The following SPATA6 variants were observed in gnomAD, a reference collection of about 807,000 sequenced individuals.
The protein encoded by SPATA6 is spermatogenesis-associated protein 6.
SPATA6 carries 56 observed loss-of-function variants against 65.3 expected under a neutral mutation model. The observed-to-expected ratio is 0.86, with a 90% CI of 0.69 to 1.07. SPATA6 has a LOEUF of 1.07. Ranked by LOEUF, SPATA6 falls within the 50% of genes least tolerant of loss-of-function variation. SPATA6 has a pLI of 0.00. For missense variants in SPATA6, 590 were observed against 594.8 expected, an observed-to-expected ratio of 0.99 and a Z score of 0.08; for synonymous variants, 199 against 213.2, an observed-to-expected ratio of 0.93 and a Z score of 0.58.
intron 11 of SPATA6, among the ~76,000 whole-genome samples, chr1:48,306,199 T>G (rs113763142): frequency 6.6e-6 from 1 of 152,024 alleles, no homozygotes; most frequent in African/African-American, 2.4e-5. Flanking sequence ...TCTTATACAT[T>G]GTTATATGAA....
intron 3 of SPATA6, among the ~76,000 whole-genome samples, chr1:48,442,733 A>C (rs529539236): frequency 4.7e-5 from 7 of 149,378 alleles, no homozygotes; most frequent in Admixed American, 2.6e-4. Context: ...AAAAAAAAAA[A>C]AAAAAAAAAA....
At chr1:48,304,895 C>A (rs11205469) in intron 12 of SPATA6, among the ~76,000 whole-genome samples, 1 of 151,964 alleles carries the variant, frequency 6.6e-6, no homozygotes, top group Non-Finnish European at 1.5e-5. Context: ...AAATAACAAA[C>A]GGTAAAAAAT....
downstream of SPATA6, among the ~76,000 whole-genome samples, chr1:48,294,752 T>G (rs1039039867): frequency 6.6e-6 from 1 of 152,220 alleles, no homozygotes; most frequent in Non-Finnish European, 1.5e-5. Flanking sequence ...AATGGTCACC[T>G]CTTCTAATGC....
chr1:48,446,643 G>A (rs1557720742), intron 3 of SPATA6, among the ~76,000 whole-genome samples: 1 of 152,116 alleles, frequency 6.6e-6, no homozygotes, highest in Non-Finnish European at 1.5e-5. Flanking sequence ...ATTTGGTTAG[G>A]TGCAATAAAT....
chr1:48,391,055 G>A (rs1329623781), intron 8 of SPATA6, among the ~76,000 whole-genome samples: 1 of 151,998 alleles, frequency 6.6e-6, no homozygotes, highest in Non-Finnish European at 1.5e-5. Context: ...ATCACAAGTA[G>A]TTGAAAAAAT....
At chr1:48,409,685 A>G (rs1212657105) in intron 5 of SPATA6, among the ~76,000 whole-genome samples, 1 of 152,168 alleles carries the variant, frequency 6.6e-6, no homozygotes, top group Non-Finnish European at 1.5e-5. Context: ...CCCAAACCTC[A>G]ATTCTTGATT....
Position 48,298,905 on chromosome 1 carries a change from G to T in SPATA6, c.1287-12C>A, listed in dbSNP as rs756744679. On this transcript the variant is annotated splice_polypyrimidine_tract_variant and intron_variant, in intron 12 of 12. Coordinates refer to ENST00000371847, the MANE Select transcript of SPATA6 (RefSeq NM_019073.4). ...GCTGCTGACATGAGCTATAAAAAGG[G>T]ATATAAAAGGTTCAAAACAATAATG... 6 of 1,605,956 alleles carry T rather than the reference G, an allele frequency of 3.7e-6. No homozygotes were observed. Among genetic ancestry groups the T allele is most frequent in the South Asian group, 3.3e-5 (3 of 89,752 alleles).
intron 3 of SPATA6, among the ~76,000 whole-genome samples, chr1:48,430,039 A>T (rs570675993): frequency 4.8e-4 from 73 of 152,264 alleles, no homozygotes; most frequent in Admixed American, 1.4e-3. Context: ...GAAATCCATG[A>T]AGGAGGAAAG....
intron 3 of SPATA6, among the ~76,000 whole-genome samples, chr1:48,427,316 T>C (rs1653929277): frequency 6.7e-6 from 1 of 149,032 alleles, no homozygotes; most frequent in Admixed American, 6.7e-5. Flanking sequence ...TACAAGAAAA[T>C]GAGAATATTT....
At chr1:48,377,879 G>A (rs182440482) in intron 9 of SPATA6, among the ~76,000 whole-genome samples, 1 of 152,230 alleles carries the variant, frequency 6.6e-6, no homozygotes, top group Non-Finnish European at 1.5e-5. Context: ...GTAAGAGAAT[G>A]TGATTAGTTA....
intron 8 of SPATA6, among the ~76,000 whole-genome samples, chr1:48,392,253 GAA>G (rs1399951220): frequency 1.3e-5 from 2 of 152,052 alleles, no homozygotes; most frequent in African/African-American, 4.8e-5. Context: ...ATCTTCAAAT[GAA>G]GAGAAGAAAA....
At chr1:48,316,068 G>A (rs551802274) in intron 11 of SPATA6, among the ~76,000 whole-genome samples, 1 of 152,222 alleles carries the variant, frequency 6.6e-6, no homozygotes, top group Admixed American at 6.5e-5. Context: ...CCATGCTCAC[G>A]GGTAGGAAGA....
At chr1:48,404,308 T>C (rs1651475148) in intron 5 of SPATA6, among the ~76,000 whole-genome samples, 1 of 152,172 alleles carries the variant, frequency 6.6e-6, no homozygotes. Flanking sequence ...AACGTATACA[T>C]ATATCAAACA....
At chr1:48,326,521 C>CAAAAAA (rs1330859768) in intron 11 of SPATA6, among the ~76,000 whole-genome samples, 1 of 80,084 alleles carries the variant, frequency 1.2e-5, no homozygotes, top group Non-Finnish European at 2.8e-5. Context: ...TCATATGAAA[C>CAAAAAA]AAAAAAAAAA....
chr1:48,451,536 A>C lies in SPATA6; in HGVS notation c.238+16T>G, dbSNP rs769894844. On this transcript the variant is annotated intron_variant, in intron 3 of 12. Coordinates refer to ENST00000371847, the MANE Select transcript of SPATA6 (RefSeq NM_019073.4). ...AAATGTCTTAGAATCAGGAATTAAA[A>C]AGTTAAAAAACTTACATTCAAGCTG... is the stretch of plus-strand genomic sequence containing the variant. 1 of 1,602,304 alleles carries C rather than the reference A, an allele frequency of 6.2e-7. No homozygotes were observed.
rs918869664 is a variant in SPATA6 at position 48,384,662 on chromosome 1, C to T, written c.909+647G>A. Among the ~76,000 whole-genome samples the T allele has an allele frequency of 2.0e-5, 3 of 152,256 alleles. No homozygotes were observed. In the South Asian group the frequency reaches 6.2e-4, roughly 32 times the overall value. ...CCAGAAAAAATATATTTTCAATTCT[C>T]TTTCAATAAGAAATGCTCAGTTAGC... On this transcript the variant is annotated intron_variant, in intron 9 of 12. Coordinates refer to ENST00000371847, the MANE Select transcript of SPATA6 (RefSeq NM_019073.4).
intron 3 of SPATA6, among the ~76,000 whole-genome samples, chr1:48,428,508 T>C (rs1365953346): frequency 6.9e-6 from 1 of 144,768 alleles, no homozygotes; most frequent in Non-Finnish European, 1.5e-5. Flanking sequence ...ATTGCACATA[T>C]ATTATATTAA....
At chr1:48,274,355 G>A in the SPATA6 span, among the ~76,000 whole-genome samples, 21 of 151,932 alleles carry the variant, frequency 1.4e-4, no homozygotes, top group Non-Finnish European at 2.5e-4. Flanking sequence ...ATTAGATCCC[G>A]TTGTATATTT....
At chr1:48,304,994 G>A (rs1645026591) in intron 12 of SPATA6, among the ~76,000 whole-genome samples, 1 of 152,102 alleles carries the variant, frequency 6.6e-6, no homozygotes, top group Admixed American at 6.6e-5. Flanking sequence ...ACTGTTTAAA[G>A]AGAGGCCTAG....
Sources: allele counts gnomAD v4.1 joint callset (sites outside exome capture counted in the v4.1 genomes callset), GRCh38; gene constraint gnomAD v4.1.1; transcripts MANE v1.5; gene names NCBI Gene and HGNC (gene_info 2026-07-23, HGNC 2026-07-21).